The following KLHL4 variants were observed in gnomAD, a reference collection of about 807,000 sequenced individuals.
The protein encoded by KLHL4 is kelch like family member 4.
Under a neutral mutation model 45.8 loss-of-function variants are expected in KLHL4, and 17 were observed. The ratio of observed to expected loss-of-function variants is 0.37; its 90% CI spans 0.25 to 0.56. KLHL4 has a LOEUF of 0.56. KLHL4 is among the 20% of genes least tolerant of loss of function. The pLI is 0.79. For synonymous variants in KLHL4, 224 were observed against 189.9 expected (o/e 1.18, Z -1.47); for missense variants, 544 against 544.9 (o/e 1.00, Z 0.02).
intron 1 of KLHL4, among the ~76,000 whole-genome samples, chrX:87,576,272 A>G (rs955268418): frequency 1.8e-5 from 2 of 111,857 alleles, no homozygotes; most frequent in Middle Eastern, 4.7e-3. Context: ...ATTTGAGGTA[A>G]TATGTGAAAG....
chrX:87,531,059 A>G (rs1432778995), intron 1 of KLHL4, among the ~76,000 whole-genome samples: 1 of 112,005 alleles, frequency 8.9e-6, no homozygotes, highest in Non-Finnish European at 1.9e-5. Flanking sequence ...TTGGCTGCAT[A>G]AATGTCTTCT....
At chrX:87,556,350 T>C (rs751383944) in intron 1 of KLHL4, among the ~76,000 whole-genome samples, 1 of 109,790 alleles carries the variant, frequency 9.1e-6, no homozygotes, top group East Asian at 2.9e-4. Context: ...CCATAAAAAA[T>C]GATGAGTTCA....
chrX:87,668,754 G>T lies in KLHL4; in HGVS notation c.*2220G>T, dbSNP rs755844812. 1.4e-5 allele frequency: 2 copies of T among 139,123 alleles called. No homozygotes were observed. Among genetic ancestry groups the T allele is most frequent in the South Asian group, 3.3e-4 (1 of 3,048 alleles). 11.5% of individuals were successfully genotyped at this position (139,123 alleles called of 1,213,427 possible). ...CTCAGGGTGCACCGTATGTCCCCTG[G>T]TCATGTGATGCTATGTGTTACCTTG... is the stretch of plus-strand genomic sequence containing the variant. On this transcript the variant is annotated 3_prime_UTR_variant, in exon 11 of 11. Coordinates refer to ENST00000373119, the MANE Select transcript of KLHL4 (RefSeq NM_019117.5).
At chrX:87,662,216 T>C (rs1924210601) in intron 9 of KLHL4, among the ~76,000 whole-genome samples, 1 of 111,697 alleles carries the variant, frequency 9.0e-6, no homozygotes, top group African/African-American at 3.3e-5. Flanking sequence ...AAATATAAAA[T>C]GACACGTTTT....
chrX:87,566,062 C>A (rs1198800163), intron 1 of KLHL4, among the ~76,000 whole-genome samples: 1 of 104,159 alleles, frequency 9.6e-6, no homozygotes, highest in African/African-American at 3.5e-5. Flanking sequence ...GCACGTTCTG[C>A]ACATGTATCC....
At chrX:87,658,940 G>GAGACACTTTGACAAGACACT (rs1179547243) in intron 9 of KLHL4, among the ~76,000 whole-genome samples, 2 of 110,167 alleles carry the variant, frequency 1.8e-5, no homozygotes, top group Non-Finnish European at 3.8e-5. Flanking sequence ...ACTTTTGACA[G>GAGACACTTTGACAAGACACT]TTTATAATGT....
intron 1 of KLHL4, among the ~76,000 whole-genome samples, chrX:87,525,985 T>C (rs951380019): frequency 3.6e-5 from 4 of 111,512 alleles, no homozygotes; most frequent in African/African-American, 1.3e-4. Flanking sequence ...CTAAATACCT[T>C]GCAATTTTCT....
At chrX:87,611,826 C>T (rs182835753) in intron 1 of KLHL4, among the ~76,000 whole-genome samples, 1 of 110,730 alleles carries the variant, frequency 9.0e-6, no homozygotes, top group East Asian at 2.8e-4. Context: ...TCTTATTGCC[C>T]CTAGAAACCT....
intron 1 of KLHL4, among the ~76,000 whole-genome samples, chrX:87,563,574 A>G (rs1220677285): frequency 2.0e-5 from 2 of 102,142 alleles, no homozygotes; most frequent in Non-Finnish European, 3.9e-5. Flanking sequence ...GCTTGAAAAC[A>G]GGCTATTTGA....
chrX:87,542,251 C>A (rs1423284556), intron 1 of KLHL4, among the ~76,000 whole-genome samples: 2 of 112,254 alleles, frequency 1.8e-5, no homozygotes, highest in South Asian at 3.7e-4. Flanking sequence ...TAGAAAAGAA[C>A]CCCTTTTCTG....
rs1569355485 is a variant in KLHL4, at chrX:87,622,291, T to C, written c.1005T>C (p.Asp335=). The part of the protein sequence containing the change: ...ANEISKLLCS[D]DINVPDEETI... ...AAATTTCAAAACTTCTGTGCAGTGATGACATTAATGTGCCTGATGAAGAGA... is the reference window on the plus strand; with the variant it reads ...AAATTTCAAAACTTCTGTGCAGTGACGACATTAATGTGCCTGATGAAGAGA... Residue 335 remains aspartate, a synonymous_variant, in exon 5 of 11, where the codon GAT becomes GAC. Transcript: ENST00000373119. 8.3e-7 allele frequency: 1 copy of C among 1,207,918 alleles called. No individual in the cohort carries two copies. The highest frequency in any genetic ancestry group is 1.1e-6 in the Non-Finnish European group (1 of 892,153).
At chrX:87,625,174 A>C (rs1338162738) in intron 5 of KLHL4, among the ~76,000 whole-genome samples, 2 of 112,800 alleles carry the variant, frequency 1.8e-5, no homozygotes, top group African/African-American at 3.2e-5. Flanking sequence ...TCAATTGAAT[A>C]AATATGCAGA....
In KLHL4 at chrX:87,669,416, A is replaced by C. The variant is rs1331513853; in HGVS notation, c.*2882A>C. ...CTAAATTCAGATCCTTTCTCCACAC[A>C]GCAATGACATTTATCAATCTGACTC... On this transcript the variant is annotated 3_prime_UTR_variant, in exon 11 of 11. Coordinates refer to ENST00000373119, the MANE Select transcript of KLHL4 (RefSeq NM_019117.5). 1 of 1,205,575 alleles carries C rather than the reference A, an allele frequency of 8.3e-7. No individual in the cohort carries two copies. The highest frequency in any genetic ancestry group is 1.1e-6 in the Non-Finnish European group (1 of 893,075).
intron 1 of KLHL4, among the ~76,000 whole-genome samples, chrX:87,584,236 C>T (rs770676330): frequency 1.8e-5 from 2 of 111,740 alleles, no homozygotes; most frequent in South Asian, 7.5e-4. Flanking sequence ...TCCCATGAAG[C>T]ACATCTATAA....
chrX:87,639,034 G>A (rs1227697388), intron 9 of KLHL4, among the ~76,000 whole-genome samples: 1 of 111,377 alleles, frequency 9.0e-6, no homozygotes, highest in East Asian at 2.8e-4. Context: ...AAAAAAATGA[G>A]CAGGAATAGC....
intron 1 of KLHL4, among the ~76,000 whole-genome samples, chrX:87,534,459 A>T (rs1467310623): frequency 1.8e-5 from 2 of 111,233 alleles, no homozygotes; most frequent in Non-Finnish European, 3.8e-5. Context: ...TATATTGATA[A>T]TGGTAAATTT....
chrX:87,608,553 G>A (rs1341141404), intron 1 of KLHL4, among the ~76,000 whole-genome samples: 1 of 109,986 alleles, frequency 9.1e-6, no homozygotes, highest in African/African-American at 3.3e-5. Flanking sequence ...TACCTGATCC[G>A]GGGTAAAGAA....
chrX:87,617,705 G>C (rs1302563114), intron 3 of KLHL4, among the ~76,000 whole-genome samples: 1 of 111,594 alleles, frequency 9.0e-6, no homozygotes, highest in Non-Finnish European at 1.9e-5. Flanking sequence ...GTTATTCACT[G>C]TTTATTTGTT....
rs1924426896 is a variant in KLHL4 at position 87,667,970 on chromosome X, G to A, written c.*1436G>A. 1.4e-6 allele frequency: 1 copy of A among 715,007 alleles called. No individual in the cohort carries two copies. Among genetic ancestry groups the A allele is most frequent in the Admixed American group, 8.8e-5 (1 of 11,334 alleles). The allele number at this position is 715,007 out of a possible 1,213,427, so 58.9% of individuals were successfully genotyped here. A position where few individuals can be genotyped will look rare whatever the true frequency, so the allele number is the denominator to read the frequency against. On this transcript the variant is annotated 3_prime_UTR_variant, in exon 11 of 11. Transcript: ENST00000373119. Reference sequence around the variant, plus strand: ...CTTTAGAATATATCAAGTACAACCTGAATGGACTTTTTGATTTTACATTTC... The same window carrying A: ...CTTTAGAATATATCAAGTACAACCTAAATGGACTTTTTGATTTTACATTTC...
Sources: gnomAD v4.1 joint callset for allele counts (sites outside exome capture counted in the v4.1 genomes callset) on GRCh38, gnomAD v4.1.1 for gene constraint, MANE v1.5 for transcripts, NCBI Gene and HGNC (gene_info 2026-07-23, HGNC 2026-07-21) for gene names.